The following GCNT2 variants were observed in gnomAD, a reference collection of about 807,000 sequenced individuals.
GCNT2 encodes glucosaminyl (N-acetyl) transferase 2 (I blood group), also known as N-acetyllactosaminide beta-1,6-N-acetylglucosaminyl-transferase.
A neutral mutation model predicts 34.2 loss-of-function variants in GCNT2; 34 were observed. The observed-to-expected ratio is 1.00, with a 90% CI of 0.76 to 1.32. GCNT2 has a LOEUF of 1.32. GCNT2 is among the 40% of genes most tolerant of loss of function. The pLI is 0.00. For missense variants in GCNT2, 584 were observed against 489.4 expected (o/e 1.19, Z -1.82); for synonymous variants, 212 against 188.0 (o/e 1.13, Z -1.04).
chr6:10,595,786 T>G (rs1287624946), intron 3 of GCNT2, among the ~76,000 whole-genome samples: 1 of 152,220 alleles, frequency 6.6e-6, no homozygotes, highest in Non-Finnish European at 1.5e-5. Flanking sequence ...AAAACAAATT[T>G]TGCCCATCCT....
At chr6:10,535,171 G>A (rs1309078261) in intron 3 of GCNT2, among the ~76,000 whole-genome samples, 3 of 152,098 alleles carry the variant, frequency 2.0e-5, no homozygotes, top group East Asian at 1.9e-4. Flanking sequence ...GTGACAGAGC[G>A]AGACTCCATC....
chr6:10,592,395 A>G (rs931632611), intron 3 of GCNT2, among the ~76,000 whole-genome samples: 1 of 152,178 alleles, frequency 6.6e-6, no homozygotes, highest in Non-Finnish European at 1.5e-5. Flanking sequence ...GGCTCTTCCC[A>G]GGTCAGTAAT....
At chr6:10,574,343 C>T (rs612100) in intron 3 of GCNT2, among the ~76,000 whole-genome samples, 3,361 of 152,242 alleles carry the variant, frequency 0.022, 106 homozygotes, top group African/African-American at 0.073. Flanking sequence ...TAACTCTCAC[C>T]GCCTTGTGAG....
chr6:10,595,146 A>G (rs563758042), intron 3 of GCNT2, among the ~76,000 whole-genome samples: 1 of 152,198 alleles, frequency 6.6e-6, no homozygotes, highest in Non-Finnish European at 1.5e-5. Flanking sequence ...TACCCCTTAC[A>G]TAACACTATG....
At position 10,626,600 on chromosome 6, in the gene GCNT2, A is replaced by AT. The variant is rs773154189; in HGVS notation, c.1207dup (p.Ter403LeufsTer5). 6.2e-7 allele frequency: 1 copy of AT among 1,612,780 alleles called. No individual in the cohort carries two copies. Among genetic ancestry groups the AT allele is most frequent in the South Asian group, 1.1e-5 (1 of 91,056 alleles). ...GAAACTGCGATACAACCCAGCTGGT[A>AT]TTTTTGAGCTATTCATGAGCTACTC... is the stretch of plus-strand genomic sequence containing the variant. On this transcript the variant is annotated frameshift_variant, in exon 5 of 5. Transcript: ENST00000495262. LOFTEE classifies it high-confidence loss of function.
intron 3 of GCNT2, among the ~76,000 whole-genome samples, chr6:10,590,051 C>T (rs1394597659): frequency 6.6e-6 from 1 of 152,188 alleles, no homozygotes. Flanking sequence ...TGATAGAACA[C>T]CTACTATTCC....
intron 4 of GCNT2, among the ~76,000 whole-genome samples, chr6:10,622,220 G>A (rs955475273): frequency 6.6e-6 from 1 of 152,194 alleles, no homozygotes; most frequent in Non-Finnish European, 1.5e-5. Flanking sequence ...GGCACACACT[G>A]CATTCAGAAT....
rs200584760 is a variant in GCNT2, at chr6:10,603,372, C to CT, written c.926-17972dup. ...GTTTTATGAAATGGTATTTTCTTCC[C>CT]TTTTTTTCTGCCATTGGAAGAAAAC... On this transcript the variant is annotated intron_variant, in intron 3 of 4. Coordinates refer to ENST00000495262, the MANE Select transcript of GCNT2 (RefSeq NM_145649.5). Among the ~76,000 whole-genome samples the CT allele has an allele frequency of 9.5e-3, 1,446 of 152,220 alleles. 24 individuals carry two copies. The highest frequency in any genetic ancestry group is 0.033 in the African/African-American group (1,355 of 41,536).
At chr6:10,588,733 G>A (rs1437640888) in intron 3 of GCNT2, among the ~76,000 whole-genome samples, 1 of 151,536 alleles carries the variant, frequency 6.6e-6, no homozygotes, top group African/African-American at 2.4e-5. Context: ...TGTGTGTGGT[G>A]TCCCAATATG....
chr6:10,626,401 GTTCT>G lies in GCNT2; in HGVS notation c.1019-9_1019-6del. On this transcript the variant is annotated splice_polypyrimidine_tract_variant and intron_variant, in intron 4 of 4. Transcript: ENST00000495262. ...CAAGCATGTTTTGACTCTGTTTCTT[GTTCT>G]TTCTTTTGCAGGCCACTATGTACAT... 6.3e-7 allele frequency: 1 copy of G among 1,593,938 alleles called. No individual in the cohort carries two copies. The highest frequency in any genetic ancestry group is 8.6e-7 in the Non-Finnish European group (1 of 1,161,754).
chr6:10,599,615 A>G (rs1765013050), intron 3 of GCNT2, among the ~76,000 whole-genome samples: 1 of 152,156 alleles, frequency 6.6e-6, no homozygotes, highest in Non-Finnish European at 1.5e-5. Flanking sequence ...GGTAGAATGA[A>G]GACGGTAGCT....
intron 3 of GCNT2, among the ~76,000 whole-genome samples, chr6:10,615,136 G>A (rs895987654): frequency 1.3e-5 from 2 of 152,112 alleles, no homozygotes; most frequent in Admixed American, 6.6e-5. Flanking sequence ...GAAGACTGAG[G>A]GAGAGAGGTC....
intron 3 of GCNT2, among the ~76,000 whole-genome samples, chr6:10,561,166 T>A (rs1256327101): frequency 6.6e-6 from 1 of 152,134 alleles, no homozygotes; most frequent in Non-Finnish European, 1.5e-5. Context: ...AATTTTCTTT[T>A]CTTTTTCTTT....
chr6:10,556,580 A>G, intron 3 of GCNT2: 2 of 1,614,098 alleles, frequency 1.2e-6, no homozygotes, highest in Non-Finnish European at 1.7e-6. Flanking sequence ...ATCTTTTATC[A>G]ATGGAAAAAC....
At chr6:10,577,875 G>T (rs1459067858) in intron 3 of GCNT2, among the ~76,000 whole-genome samples, 2 of 151,800 alleles carry the variant, frequency 1.3e-5, no homozygotes, top group Admixed American at 1.3e-4. Flanking sequence ...CCAGGTCATT[G>T]TTTTTGAACT....
chr6:10,581,693 T>G (rs571399749), intron 3 of GCNT2: 1 of 950,772 alleles, frequency 1.1e-6, no homozygotes, highest in East Asian at 1.2e-4. Context: ...TTGGCACTTA[T>G]CAGAGCTCCT....
At chr6:10,588,372 G>A (rs771909914) in intron 3 of GCNT2, among the ~76,000 whole-genome samples, 1 of 149,294 alleles carries the variant, frequency 6.7e-6, no homozygotes, top group African/African-American at 2.4e-5. Context: ...AGCCTACATC[G>A]TTCCTTTTAA....
intron 3 of GCNT2, among the ~76,000 whole-genome samples, chr6:10,542,848 C>T (rs1762094866): frequency 6.7e-6 from 1 of 149,204 alleles, no homozygotes. Context: ...TTTCATTTCT[C>T]CTGGGTAGAT....
chr6:10,545,931 G>T (rs1264991089), intron 3 of GCNT2, among the ~76,000 whole-genome samples: 1 of 152,208 alleles, frequency 6.6e-6, no homozygotes, highest in African/African-American at 2.4e-5. Flanking sequence ...TAGAAACCTG[G>T]AGTTGTTCCA....
Sources: allele counts gnomAD v4.1 joint callset (sites outside exome capture counted in the v4.1 genomes callset), GRCh38; gene constraint gnomAD v4.1.1; transcripts MANE v1.5; gene names NCBI Gene and HGNC (gene_info 2026-07-23, HGNC 2026-07-21).